The following MAGT1 variants were observed in gnomAD, a reference collection of about 807,000 sequenced individuals.
The protein encoded by MAGT1 is dolichyl-diphosphooligosaccharide--protein glycosyltransferase subunit MAGT1.
Under a neutral mutation model 28.4 loss-of-function variants are expected in MAGT1, and 4 were observed. The observed-to-expected ratio is 0.14, with a 90% CI of 0.07 to 0.32. The LOEUF (loss-of-function observed/expected upper bound fraction) is 0.32. MAGT1 is among the 10% of genes least tolerant of loss of function. MAGT1 has a pLI of 1.00. For synonymous variants in MAGT1, 89 were observed against 89.7 expected (o/e 0.99, Z 0.04); for missense variants, 193 against 264.5 (o/e 0.73, Z 1.88).
Position 77,857,409 on chromosome X carries a change from C to T in MAGT1, c.479G>A (p.Gly160Asp). 1 of 1,211,866 alleles carries T rather than the reference C, an allele frequency of 8.3e-7. No homozygotes were observed. ...CCGGGCAATCTGCTCAGCTGAAAAA[C>T]CCCGCACCTGTAACTCATATGTATC... ...RGDTYELQVR[G>D]FSAEQIARWI... is the part of the protein sequence containing the mutation. The change falls in exon 4 of 10, where the codon GGT becomes GAT. Residue 160 changes from glycine (G) to aspartate (D), a missense_variant. Gly to Asp is a moderately conservative substitution (Grantham distance 94). Transcript: ENST00000618282.
intron 1 of MAGT1, among the ~76,000 whole-genome samples, chrX:77,880,834 T>G (rs1011710399): frequency 9.2e-6 from 1 of 108,304 alleles, no homozygotes; most frequent in Non-Finnish European, 1.9e-5. Flanking sequence ...GGCACATGTC[T>G]GTAGTCCCAG....
chrX:77,865,504 A>C (rs1180748891), intron 3 of MAGT1, among the ~76,000 whole-genome samples: 1 of 107,955 alleles, frequency 9.3e-6, no homozygotes, highest in Non-Finnish European at 1.9e-5. Context: ...CGTGTTAGCC[A>C]GGATGGTCTC....
At chrX:77,842,565 G>A (rs938977125) in intron 7 of MAGT1, among the ~76,000 whole-genome samples, 22 of 111,624 alleles carry the variant, frequency 2.0e-4, no homozygotes, top group South Asian at 7.4e-4. Context: ...GGTGGCTCAC[G>A]CCTGTACTCC....
chrX:77,870,688 T>C, intron 3 of MAGT1, 120 bp downstream of exon 3: 1 of 514,814 alleles, frequency 1.9e-6, no homozygotes. Context: ...TTTAGTTTGC[T>C]ACTCTAGATC....
intron 8 of MAGT1, among the ~76,000 whole-genome samples, chrX:77,837,041 T>A (rs1557213973): frequency 7.1e-5 from 8 of 112,383 alleles, no homozygotes; most frequent in Non-Finnish European, 5.6e-5. Flanking sequence ...TAATTTGTGA[T>A]CATTTTGTTA....
intron 1 of MAGT1, among the ~76,000 whole-genome samples, chrX:77,892,296 C>CA (rs1156402063): frequency 2.7e-5 from 3 of 111,848 alleles, no homozygotes; most frequent in African/African-American, 9.7e-5. Flanking sequence ...CAAAAATTGA[C>CA]AAAAAAATGT....
rs2076883384 is a variant in MAGT1, at chrX:77,826,581, T to G, written c.*2639A>C. The stretch of plus-strand genomic sequence containing the variant: ...CAAAAGTCACACTATTTTATAAGTG[T>G]AGTAAATTACCTTCTACACATTTTA... On this transcript the variant is annotated 3_prime_UTR_variant, in exon 10 of 10. Coordinates refer to ENST00000618282, the MANE Select transcript of MAGT1 (RefSeq NM_001367916.1). 2 of 112,927 alleles carry G rather than the reference T, an allele frequency of 1.8e-5. No individual in the cohort carries two copies. The highest frequency in any genetic ancestry group is 3.2e-5 in the African/African-American group (1 of 31,119). The allele number at this position is 112,927 out of a possible 1,213,427, so 9.3% of individuals were successfully genotyped here. A position where few individuals can be genotyped will look rare whatever the true frequency, so the allele number is the denominator to read the frequency against.
chrX:77,860,112 TCTCA>T (rs1557216354), intron 3 of MAGT1, among the ~76,000 whole-genome samples: 1 of 110,800 alleles, frequency 9.0e-6, no homozygotes, highest in Non-Finnish European at 1.9e-5. Context: ...TGAGAAGGAG[TCTCA>T]CTCTGTTGTC....
intron 3 of MAGT1, among the ~76,000 whole-genome samples, chrX:77,862,117 CA>C (rs1276788556): frequency 9.0e-6 from 1 of 111,099 alleles, no homozygotes; most frequent in Admixed American, 9.7e-5. Flanking sequence ...GTTAATGAAC[CA>C]AAATAAGATA....
At chrX:77,882,918 G>A (rs782498665) in intron 1 of MAGT1, among the ~76,000 whole-genome samples, 2 of 105,300 alleles carry the variant, frequency 1.9e-5, no homozygotes, top group African/African-American at 3.4e-5. Flanking sequence ...AGTGAGCTAC[G>A]ATCACACATC....
intron 5 of MAGT1, 111 bp from the exon 6 acceptor site, chrX:77,855,701 C>T: frequency 1.9e-6 from 1 of 525,731 alleles, no homozygotes; most frequent in Non-Finnish European, 3.1e-6. Flanking sequence ...GAATTTTTTG[C>T]AGATAAATGA....
chrX:77,834,288 G>T (rs2076909497), intron 8 of MAGT1, among the ~76,000 whole-genome samples: 1 of 92,070 alleles, frequency 1.1e-5, no homozygotes, highest in Non-Finnish European at 2.1e-5. Flanking sequence ...GTATATATAT[G>T]CATATATATA....
chrX:77,834,254 AC>A, intron 8 of MAGT1, among the ~76,000 whole-genome samples: 1 of 59,709 alleles, frequency 1.7e-5, no homozygotes, highest in Non-Finnish European at 4.3e-5. Flanking sequence ...GCATATATAT[AC>A]ATGTGTGTAT....
intron 1 of MAGT1, among the ~76,000 whole-genome samples, chrX:77,880,055 T>C (rs1224092988): frequency 9.9e-6 from 1 of 100,793 alleles, no homozygotes; most frequent in East Asian, 3.6e-4. Context: ...GCCAGGCTGG[T>C]CTTGAACTCC....
At chrX:77,875,896 A>G (rs1355595662) in intron 1 of MAGT1, among the ~76,000 whole-genome samples, 1 of 109,787 alleles carries the variant, frequency 9.1e-6, no homozygotes. Flanking sequence ...CAGTGGCACA[A>G]TGAGGGCTCA....
At chrX:77,853,160 A>G (rs2076972898) in intron 7 of MAGT1, among the ~76,000 whole-genome samples, 1 of 112,221 alleles carries the variant, frequency 8.9e-6, no homozygotes, top group Admixed American at 9.6e-5. Context: ...ATTCCTTGTC[A>G]TTCAAGAGAA....
At chrX:77,851,879 TTC>T (rs1369142491) in intron 7 of MAGT1, among the ~76,000 whole-genome samples, 1 of 110,664 alleles carries the variant, frequency 9.0e-6, no homozygotes, top group Non-Finnish European at 1.9e-5. Context: ...AGTAATATTT[TTC>T]TTTCAGTCTT....
At chrX:77,847,296 G>C (rs1248760267) in intron 7 of MAGT1, among the ~76,000 whole-genome samples, 1 of 112,543 alleles carries the variant, frequency 8.9e-6, no homozygotes, top group African/African-American at 3.2e-5. Context: ...ACAGTATTAG[G>C]GTGGGAGTGA....
chrX:77,849,959 T>C (rs1425329102), intron 7 of MAGT1, among the ~76,000 whole-genome samples: 5 of 110,142 alleles, frequency 4.5e-5, no homozygotes, highest in African/African-American at 1.6e-4. Flanking sequence ...TCTGCATAAC[T>C]GCAACACTTA....
Sources: gnomAD v4.1 joint callset for allele counts (sites outside exome capture counted in the v4.1 genomes callset) on GRCh38, gnomAD v4.1.1 for gene constraint, MANE v1.5 for transcripts, NCBI Gene and HGNC (gene_info 2026-07-23, HGNC 2026-07-21) for gene names.